FBXO11: variants seen among roughly 807,000 people sequenced by gnomAD.
FBXO11 encodes the protein F-box protein 11.
A neutral mutation model predicts 117.0 loss-of-function variants in FBXO11; 13 were observed. That is an observed-to-expected ratio of 0.11 (90% CI 0.07 to 0.18). The LOEUF is 0.18. Ranked by LOEUF, FBXO11 falls within the 10% of genes least tolerant of loss-of-function variation. The probability of loss-of-function intolerance (pLI) is 1.00; values close to 1 mark genes in which losing one functional copy is unlikely to be tolerated. For synonymous variants in FBXO11, 490 were observed against 380.5 expected (o/e 1.29, Z -3.35); for missense variants, 767 against 1,164.4 (o/e 0.66, Z 4.97).
At chr2:47,818,244 C>T (rs962301171) in intron 16 of FBXO11, among the ~76,000 whole-genome samples, 1 of 152,158 alleles carries the variant, frequency 6.6e-6, no homozygotes, top group African/African-American at 2.4e-5. Context: ...CTGCTCAACA[C>T]AGTATTGCCA....
rs549216196 is a variant in FBXO11 at position 47,902,565 on chromosome 2, C to G, written c.232+2924G>C. 4.4e-3 allele frequency among the ~76,000 whole-genome samples: 673 copies of G among 151,820 alleles called. 2 individuals carry two copies. The highest frequency in any genetic ancestry group is 0.017 in the Middle Eastern group (5 of 292). On this transcript the variant is annotated intron_variant, in intron 1 of 22. Coordinates refer to ENST00000403359, the MANE Select transcript of FBXO11 (RefSeq NM_001190274.2). ...CAAACATGTATATACACAAATATAC[C>G]CACATACACACACACATACACATAC...
Position 47,884,609 on chromosome 2 carries a change from T to C in FBXO11, c.232+20880A>G, listed in dbSNP as rs924110353. Among the ~76,000 whole-genome samples the C allele has an allele frequency of 2.0e-5, 3 of 152,236 alleles. No individual in the cohort carries two copies. The East Asian group carries it at 5.8e-4, about 29-fold the overall frequency. On this transcript the variant is annotated intron_variant, in intron 1 of 22. Transcript: ENST00000403359. ...AAAGTATGATTATTAATTGTGTGTATGTTTATCATTGCTGTCTTTGAAGAG... is the reference window on the plus strand; with the variant it reads ...AAAGTATGATTATTAATTGTGTGTACGTTTATCATTGCTGTCTTTGAAGAG...
chr2:47,839,356 T>C lies in FBXO11; in HGVS notation c.442+63A>G, dbSNP rs1672843051. ...TCGAATACACTTAATTTTCATTTTT[T>C]GGTATCAAGCAAAATTAAAAAAAAT... On this transcript the variant is annotated intron_variant, in intron 3 of 22. Coordinates refer to ENST00000403359, the MANE Select transcript of FBXO11 (RefSeq NM_001190274.2). 10 of 1,433,856 alleles carry C rather than the reference T, an allele frequency of 7.0e-6. No individual in the cohort carries two copies. The East Asian group carries it at 1.1e-4, about 16-fold the overall frequency. The allele number at this position is 1,433,856 out of a possible 1,614,324, so 88.8% of individuals were successfully genotyped here. A position where few individuals can be genotyped will look rare whatever the true frequency, so the allele number is the denominator to read the frequency against.
rs1274404614 is a variant in FBXO11, at chr2:47,897,721, A to AC, written c.232+7767_232+7768insG. Among the ~76,000 whole-genome samples the AC allele has an allele frequency of 2.5e-3, 362 of 145,498 alleles. 2 individuals carry two copies. The highest frequency in any genetic ancestry group is 8.2e-3 in the African/African-American group (329 of 40,326). ...TAAACCAAAAAAAAAAAAAAAAAAA[A>AC]GGAAAAGAAAAAAGAAAAATTTCCA... is the stretch of plus-strand genomic sequence containing the variant. On this transcript the variant is annotated intron_variant, in intron 1 of 22. Transcript: ENST00000403359.
intron 1 of FBXO11, among the ~76,000 whole-genome samples, chr2:47,891,189 A>G (rs1169006848): frequency 6.6e-6 from 1 of 152,148 alleles, no homozygotes; most frequent in Non-Finnish European, 1.5e-5. Context: ...TGTACAATAC[A>G]GTACTGTTGA....
At chr2:47,862,571 C>T (rs1674860212) in intron 1 of FBXO11, among the ~76,000 whole-genome samples, 1 of 152,120 alleles carries the variant, frequency 6.6e-6, no homozygotes, top group Admixed American at 6.5e-5. Context: ...ACTATTGTGC[C>T]ACCACGCTTG....
chr2:47,896,049 CTG>C, intron 1 of FBXO11, among the ~76,000 whole-genome samples: 1 of 152,330 alleles, frequency 6.6e-6, no homozygotes, highest in Admixed American at 6.5e-5. Context: ...AAACTATAGA[CTG>C]TTTCTAATTC....
rs1447819199 is a variant in FBXO11 at position 47,832,965 on chromosome 2, C to T, written c.1040G>A (p.Arg347Lys). ...EDAYVGYMTIRFNPDDKSAQH... is the reference protein window; with the variant it reads ...EDAYVGYMTIKFNPDDKSAQH... ...ATTTTAAATCTTAACATGTCTTACCCTTATTGTCATATATCCAACATAAGC... is the reference window on the plus strand; with the variant it reads ...ATTTTAAATCTTAACATGTCTTACCTTTATTGTCATATATCCAACATAAGC... Residue 347 changes from arginine to lysine, a missense_variant and splice_region_variant, in exon 8 of 23, where the codon AGG becomes AAG. Physicochemically the swap from Arg to Lys is conservative, Grantham distance 26 (BLOSUM62 2). Coordinates refer to ENST00000403359, the MANE Select transcript of FBXO11 (RefSeq NM_001190274.2). 3.1e-6 allele frequency: 5 copies of T among 1,608,730 alleles called. No homozygotes were observed. The highest frequency in any genetic ancestry group is 4.3e-6 in the Non-Finnish European group (5 of 1,175,232).
rs937782765 is a variant in FBXO11, at chr2:47,906,036, C to T, written c.-316G>A. The T allele has an allele frequency of 2.2e-4, 52 of 236,048 alleles. 1 individual carries two copies. The highest frequency in any genetic ancestry group is 1.6e-3 in the Middle Eastern group (1 of 630). The allele number at this position is 236,048 out of a possible 1,614,324, so 14.6% of individuals were successfully genotyped here. On this transcript the variant is annotated 5_prime_UTR_variant, in exon 1 of 23. Coordinates refer to ENST00000403359, the MANE Select transcript of FBXO11 (RefSeq NM_001190274.2). ...CAGACCGAGAGAAAGAAAGAAAGGG[C>T]GTCCGCCGCTTGGGGATCCCGAGGC...
chr2:47,838,605 C>G (rs79309874), intron 4 of FBXO11, among the ~76,000 whole-genome samples: 1 of 151,986 alleles, frequency 6.6e-6, no homozygotes, highest in Non-Finnish European at 1.5e-5. Context: ...TAAAAAGCTA[C>G]TAAAAGAAAA....
At chr2:47,831,731 C>A (rs1484514844) in intron 11 of FBXO11, among the ~76,000 whole-genome samples, 1 of 152,056 alleles carries the variant, frequency 6.6e-6, no homozygotes, top group African/African-American at 2.4e-5. Flanking sequence ...AGTCATGTCT[C>A]TAGAAAATTA....
At chr2:47,886,776 A>T (rs141975291) in intron 1 of FBXO11, among the ~76,000 whole-genome samples, 28 of 152,316 alleles carry the variant, frequency 1.8e-4, no homozygotes, top group African/African-American at 6.5e-4. Flanking sequence ...TAATACACAC[A>T]GTACGGTTTG....
At chr2:47,813,166 G>C (rs1474854251) in intron 18 of FBXO11, 68 bp downstream of exon 18, 3 of 1,438,198 alleles carry the variant, frequency 2.1e-6, no homozygotes, top group Non-Finnish European at 2.9e-6. Flanking sequence ...CAATGTCATT[G>C]ATCATTAAAG....
Position 47,813,301 on chromosome 2 carries a change from A to T in FBXO11, c.2160T>A (p.Pro720=). Residue 720 remains proline (P), a synonymous_variant, in exon 18 of 23, where the codon CCT becomes CCA. Coordinates refer to ENST00000403359, the MANE Select transcript of FBXO11 (RefSeq NM_001190274.2). ...AGVWIKTDSN[P]TLRRNKIHDG... ...CATGGATTTTATTTCTTCTTAGTGT[A>T]GGATTACTATCTGTCTTAATCCAGA... The T allele has an allele frequency of 6.2e-7, 1 of 1,611,682 alleles. No individual in the cohort carries two copies. The highest frequency in any genetic ancestry group is 8.5e-7 in the Non-Finnish European group (1 of 1,177,930).
chr2:47,887,839 T>C (rs936028874), intron 1 of FBXO11, among the ~76,000 whole-genome samples: 6 of 152,104 alleles, frequency 3.9e-5, no homozygotes, highest in Non-Finnish European at 8.8e-5. Flanking sequence ...CCAGCCTGAA[T>C]GACTGAGATT....
intron 1 of FBXO11, among the ~76,000 whole-genome samples, chr2:47,887,316 C>A (rs560902218): frequency 1.4e-4 from 21 of 148,444 alleles, no homozygotes; most frequent in Admixed American, 8.7e-4. Context: ...AGGGGGGAGA[C>A]AAGACCCTAT....
chr2:47,879,524 A>G (rs926692998), intron 1 of FBXO11, among the ~76,000 whole-genome samples: 1 of 152,204 alleles, frequency 6.6e-6, no homozygotes, highest in African/African-American at 2.4e-5. Context: ...CATTAGCTTA[A>G]AAGCCACTTA....
At chr2:47,904,474 G>C (rs1376804238) in intron 1 of FBXO11, among the ~76,000 whole-genome samples, 1 of 152,156 alleles carries the variant, frequency 6.6e-6, no homozygotes, top group Non-Finnish European at 1.5e-5. Flanking sequence ...ACCTCGGGGA[G>C]CCTCAGCCCT....
At chr2:47,841,482 C>G (rs924328111) in intron 1 of FBXO11, among the ~76,000 whole-genome samples, 2 of 152,082 alleles carry the variant, frequency 1.3e-5, no homozygotes, top group Non-Finnish European at 2.9e-5. Context: ...CCTATAAAGT[C>G]TGGCCAAAAA....
Sources: gnomAD v4.1 joint callset for allele counts (sites outside exome capture counted in the v4.1 genomes callset) on GRCh38, gnomAD v4.1.1 for gene constraint, MANE v1.5 for transcripts, NCBI Gene and HGNC (gene_info 2026-07-23, HGNC 2026-07-21) for gene names.